The following TAB2 variants were observed in gnomAD, a reference collection of about 807,000 sequenced individuals.
TAB2 encodes the protein TGF-beta activated kinase 1 (MAP3K7) binding protein 2.
Under a neutral mutation model 65.0 loss-of-function variants are expected in TAB2, and 3 were observed. The ratio of observed to expected loss-of-function variants is 0.05; its 90% CI spans 0.02 to 0.12. The LOEUF (loss-of-function observed/expected upper bound fraction) is 0.12. Ranked by LOEUF, TAB2 falls within the 10% of genes least tolerant of loss-of-function variation. The probability of loss-of-function intolerance (pLI) is 1.00; values close to 1 mark genes in which losing one functional copy is unlikely to be tolerated. For synonymous variants in TAB2, 298 were observed against 285.1 expected (o/e 1.05, Z -0.46); for missense variants, 623 against 840.3 (o/e 0.74, Z 3.20).
At chr6:149,284,190 C>T (rs1778627884) in intron 1 of TAB2, among the ~76,000 whole-genome samples, 1 of 152,176 alleles carries the variant, frequency 6.6e-6, no homozygotes, top group African/African-American at 2.4e-5. Flanking sequence ...CTCTCTGCAT[C>T]ACCACGGGCT....
At chr6:149,241,600 C>T (rs1332341066) in intron 1 of TAB2, among the ~76,000 whole-genome samples, 4 of 151,906 alleles carry the variant, frequency 2.6e-5, no homozygotes, top group Admixed American at 2.6e-4. Flanking sequence ...AGAAATATGA[C>T]GAAAATGAGA....
chr6:149,252,423 G>A (rs1294681475), intron 1 of TAB2, among the ~76,000 whole-genome samples: 22 of 150,758 alleles, frequency 1.5e-4, no homozygotes, highest in Admixed American at 1.4e-3. Context: ...AAAAAAAGAG[G>A]GCAGAGTTCT....
intron 3 of TAB2, among the ~76,000 whole-genome samples, chr6:149,384,594 GAACAA>G (rs1781726085): frequency 6.6e-6 from 1 of 152,164 alleles, no homozygotes; most frequent in South Asian, 2.1e-4. Context: ...TACCCATTAA[GAACAA>G]ATACAGAAGT....
intron 6 of TAB2, among the ~76,000 whole-genome samples, chr6:149,408,332 T>C (rs1176832751): frequency 2.6e-5 from 4 of 152,158 alleles, no homozygotes. Context: ...TGGTTGTGCA[T>C]GTGGCAAAAA....
chr6:149,300,850 G>C (rs1325467856), intron 1 of TAB2, among the ~76,000 whole-genome samples: 1 of 152,216 alleles, frequency 6.6e-6, no homozygotes, highest in Non-Finnish European at 1.5e-5. Flanking sequence ...TGGAATTAAA[G>C]TATCCTAGTC....
At chr6:149,377,023 G>A (rs1398803345) in intron 2 of TAB2, among the ~76,000 whole-genome samples, 1 of 151,140 alleles carries the variant, frequency 6.6e-6, no homozygotes, top group East Asian at 2.0e-4. Context: ...GAAGGATTGA[G>A]ATGACTGGTA....
intron 3 of TAB2, among the ~76,000 whole-genome samples, chr6:149,389,980 C>T (rs766382902): frequency 2.6e-5 from 4 of 152,022 alleles, no homozygotes; most frequent in Non-Finnish European, 5.9e-5. Context: ...CATCTATTGC[C>T]CAAATTATGG....
At chr6:149,400,365 G>C in intron 6 of TAB2, 1 of 1,607,960 alleles carries the variant, frequency 6.2e-7, no homozygotes, top group Non-Finnish European at 8.5e-7. Context: ...TTGTGAAGCA[G>C]CAGCTGAGGA....
At chr6:149,277,590 C>T (rs1411313204) in intron 1 of TAB2, among the ~76,000 whole-genome samples, 2 of 152,160 alleles carry the variant, frequency 1.3e-5, no homozygotes, top group African/African-American at 4.8e-5. Flanking sequence ...AAATGAAAGA[C>T]AAGAGTCTAC....
chr6:149,355,820 T>C (rs1345887580), intron 1 of TAB2, among the ~76,000 whole-genome samples: 2 of 152,154 alleles, frequency 1.3e-5, no homozygotes, highest in East Asian at 1.9e-4. Flanking sequence ...TATGGATAAA[T>C]AGGATCATGC....
rs201156738 is a variant in TAB2 at position 149,287,493 on chromosome 6, T to TAAAAAAA, written c.-121+68722_-121+68723insAAAAAAA. On this transcript the variant is annotated intron_variant, in intron 1 of 1. Transcript: ENST00000606202. ...AAACTTTGTTTTCTGTTTTTTTTTT[T>TAAAAAAA]AAAAAGAAAGTATTAGAAAATTGTG... Among the ~76,000 whole-genome samples the TAAAAAAA allele has an allele frequency of 5.4e-3, 813 of 150,774 alleles. 20 individuals are homozygous for TAAAAAAA. In the East Asian group the frequency reaches 0.09, roughly 17 times the overall value.
At chr6:149,231,900 A>G (rs540507349) in intron 1 of TAB2, among the ~76,000 whole-genome samples, 3 of 152,328 alleles carry the variant, frequency 2.0e-5, no homozygotes, top group South Asian at 4.2e-4. Flanking sequence ...TGGCTTTTAC[A>G]GAGTATCGGA....
At chr6:149,293,064 G>A (rs1040811917) in intron 1 of TAB2, among the ~76,000 whole-genome samples, 1 of 57,368 alleles carries the variant, frequency 1.7e-5, no homozygotes. Context: ...ACAACCATGA[G>A]AGAACTCCAG....
At position 149,253,617 on chromosome 6, in the gene TAB2, C is replaced by CAAAA. The variant is rs1170705031; in HGVS notation, c.-121+34859_-121+34862dup. On this transcript the variant is annotated intron_variant, in intron 1 of 1. Coordinates refer to the TAB2 transcript ENST00000606202. ...CCTGGGTGACAGAGCAAGACTGTCT[C>CAAAA]AAAAAAAAAAAAAAAAAAAAAGAAA... is the stretch of plus-strand genomic sequence containing the variant. Among the ~76,000 whole-genome samples the CAAAA allele has an allele frequency of 1.0e-3, 68 of 65,086 alleles. 3 individuals carry two copies. The highest frequency in any genetic ancestry group is 2.3e-3 in the Admixed American group (10 of 4,412). The allele number at this position is 65,086 out of a possible 152,430, so 42.7% of individuals were successfully genotyped here.
At chr6:149,371,324 G>C (rs1351183572) in intron 2 of TAB2, among the ~76,000 whole-genome samples, 1 of 152,058 alleles carries the variant, frequency 6.6e-6, no homozygotes, top group East Asian at 1.9e-4. Context: ...AAAACCTGTT[G>C]ATTGTTCCCT....
chr6:149,370,536 T>A (rs948855267), intron 2 of TAB2, among the ~76,000 whole-genome samples: 1 of 152,188 alleles, frequency 6.6e-6, no homozygotes, highest in Non-Finnish European at 1.5e-5. Context: ...TGCTTTAGGT[T>A]TTTTTAATCT....
intron 1 of TAB2, among the ~76,000 whole-genome samples, chr6:149,307,584 G>C (rs925007255): frequency 6.6e-6 from 1 of 151,972 alleles, no homozygotes; most frequent in Non-Finnish European, 1.5e-5. Context: ...TTGTCATTTT[G>C]TTCCAAATTC....
At chr6:149,241,393 C>A (rs190838020) in intron 1 of TAB2, among the ~76,000 whole-genome samples, 10 of 152,166 alleles carry the variant, frequency 6.6e-5, no homozygotes, top group Admixed American at 3.3e-4. Flanking sequence ...GTTGATCCTG[C>A]GTACTGTAAA....
chr6:149,250,557 C>T (rs1281815260), intron 1 of TAB2, among the ~76,000 whole-genome samples: 1 of 152,180 alleles, frequency 6.6e-6, no homozygotes, highest in Non-Finnish European at 1.5e-5. Context: ...CTGCCCACCT[C>T]GGCCTCCCAA....
Sources: gnomAD v4.1 joint callset for allele counts (sites outside exome capture counted in the v4.1 genomes callset) on GRCh38, gnomAD v4.1.1 for gene constraint, MANE v1.5 for transcripts, NCBI Gene and HGNC (gene_info 2026-07-23, HGNC 2026-07-21) for gene names.